The following MAPKAP1 variants were observed in gnomAD, a reference collection of about 807,000 sequenced individuals.
MAPKAP1 encodes MAPK associated protein 1.
In MAPKAP1, 20 loss-of-function variants were observed where a neutral mutation model predicts 65.7. That is an observed-to-expected ratio of 0.30 (90% CI 0.21 to 0.44). The LOEUF (loss-of-function observed/expected upper bound fraction) is 0.44. Among genes scored for constraint, MAPKAP1 ranks in the 20% least tolerant of loss-of-function variants. MAPKAP1 has a pLI of 1.00. For synonymous variants in MAPKAP1, 222 were observed against 244.3 expected (o/e 0.91, Z 0.85); for missense variants, 423 against 648.0 (o/e 0.65, Z 3.77).
At chr9:125,500,790 C>G (rs1828953725) in intron 8 of MAPKAP1, among the ~76,000 whole-genome samples, 1 of 151,978 alleles carries the variant, frequency 6.6e-6, no homozygotes, top group Non-Finnish European at 1.5e-5. Flanking sequence ...TAATAAACAC[C>G]ACTTTATTTG....
chr9:125,560,990 C>A (rs949075179), intron 5 of MAPKAP1, among the ~76,000 whole-genome samples: 1 of 152,188 alleles, frequency 6.6e-6, no homozygotes, highest in East Asian at 1.9e-4. Context: ...CGCAAACCTG[C>A]GAGCTTCAGA....
At chr9:125,566,507 T>C (rs1831056233) in intron 5 of MAPKAP1, among the ~76,000 whole-genome samples, 1 of 152,002 alleles carries the variant, frequency 6.6e-6, no homozygotes. Flanking sequence ...GAGGCTGCCG[T>C]GAGCTGCGAT....
intron 11 of MAPKAP1, among the ~76,000 whole-genome samples, chr9:125,443,314 T>C (rs897752223): frequency 6.6e-6 from 1 of 152,118 alleles, no homozygotes; most frequent in African/African-American, 2.4e-5. Context: ...ACTTTACAGG[T>C]GGGGACACTG....
Position 125,576,828 on chromosome 9 carries a change from G to A in MAPKAP1, c.671+8727C>T, listed in dbSNP as rs1025954289. On this transcript the variant is annotated intron_variant, in intron 5 of 11. Coordinates refer to ENST00000265960, the MANE Select transcript of MAPKAP1 (RefSeq NM_001006617.3). ...AGTCTCGTTCACTCAGTGCTCAATGGTGCCCAGGCTGGAGTGCAGTGGCGT... is the reference window on the plus strand; with the variant it reads ...AGTCTCGTTCACTCAGTGCTCAATGATGCCCAGGCTGGAGTGCAGTGGCGT... Among the ~76,000 whole-genome samples the A allele has an allele frequency of 2.6e-4, 39 of 152,082 alleles. 1 individual carries two copies. The highest frequency in any genetic ancestry group is 8.4e-4 in the African/African-American group (35 of 41,444).
chr9:125,693,861 A>G (rs138900629), intron 1 of MAPKAP1, among the ~76,000 whole-genome samples: 3,891 of 150,920 alleles, frequency 0.026, 204 homozygotes, highest in African/African-American at 0.091. Context: ...ACACACACAC[A>G]CACACACACA....
intron 7 of MAPKAP1, among the ~76,000 whole-genome samples, chr9:125,517,932 C>G (rs2133108691): frequency 6.6e-6 from 1 of 151,124 alleles, no homozygotes; most frequent in South Asian, 2.1e-4. Context: ...TAGCCAGCAT[C>G]AGGGCACTCT....
In MAPKAP1 at chr9:125,438,147, CCCCTCCTCCTGGCA is replaced by C; in HGVS notation, c.*726_*739del. ...CAGCGTGCCTGAGGACCAGCCACCG[CCCCTCCTCCTGGCA>C]CCCCACACTGTCCACGCAGCTCCTG... On this transcript the variant is annotated 3_prime_UTR_variant, in exon 12 of 12. Coordinates refer to ENST00000265960, the MANE Select transcript of MAPKAP1 (RefSeq NM_001006617.3). The C allele has an allele frequency of 2.6e-6, 1 of 389,010 alleles. No homozygotes were observed. Among genetic ancestry groups the C allele is most frequent in the Non-Finnish European group, 4.5e-6 (1 of 220,462 alleles). 24.1% of individuals were successfully genotyped at this position (389,010 alleles called of 1,614,324 possible). A position where few individuals can be genotyped will look rare whatever the true frequency, so the allele number is the denominator to read the frequency against.
intron 4 of MAPKAP1, among the ~76,000 whole-genome samples, chr9:125,646,534 G>A (rs890911647): frequency 6.6e-6 from 1 of 152,196 alleles, no homozygotes; most frequent in African/African-American, 2.4e-5. Flanking sequence ...ATAAAATGGA[G>A]CTATGGTAAT....
intron 7 of MAPKAP1, among the ~76,000 whole-genome samples, chr9:125,516,071 C>T (rs571100040): frequency 6.6e-6 from 1 of 152,284 alleles, no homozygotes; most frequent in Non-Finnish European, 1.5e-5. Flanking sequence ...GATCAATTTC[C>T]TCCAACTAAT....
intron 6 of MAPKAP1, among the ~76,000 whole-genome samples, chr9:125,554,577 C>T (rs779302118): frequency 6.6e-6 from 1 of 151,894 alleles, no homozygotes; most frequent in Non-Finnish European, 1.5e-5. Flanking sequence ...GGCAGGAGGA[C>T]TGCTTGAGCT....
At chr9:125,658,102 C>T (rs871391) in intron 3 of MAPKAP1, among the ~76,000 whole-genome samples, 40,388 of 151,912 alleles carry the variant, frequency 0.27, 5,760 homozygotes, top group Admixed American at 0.34. Context: ...AGCTTTGGCC[C>T]GGCTTTGCTA....
chr9:125,706,738 C>A (rs1425908682), intron 1 of MAPKAP1, among the ~76,000 whole-genome samples: 1 of 152,044 alleles, frequency 6.6e-6, no homozygotes, highest in Non-Finnish European at 1.5e-5. Context: ...CCCACCCCCA[C>A]ACTACCAGGT....
At chr9:125,501,890 T>A (rs1451964620) in intron 8 of MAPKAP1, among the ~76,000 whole-genome samples, 2 of 152,306 alleles carry the variant, frequency 1.3e-5, no homozygotes, top group East Asian at 3.9e-4. Context: ...ACTATCTGTG[T>A]TTCTCTTCCT....
chr9:125,513,368 T>C (rs1031957189), intron 7 of MAPKAP1, among the ~76,000 whole-genome samples: 19 of 152,186 alleles, frequency 1.2e-4, no homozygotes, highest in African/African-American at 4.6e-4. Context: ...AACACTTTCA[T>C]GGTTATGTCT....
At chr9:125,602,537 T>C (rs997763997) in intron 4 of MAPKAP1, among the ~76,000 whole-genome samples, 1 of 151,614 alleles carries the variant, frequency 6.6e-6, no homozygotes, top group African/African-American at 2.4e-5. Flanking sequence ...AATTAGGTAG[T>C]CAGCAAAGCA....
chr9:125,464,116 C>A (rs1229581477), intron 10 of MAPKAP1, among the ~76,000 whole-genome samples: 2 of 143,134 alleles, frequency 1.4e-5, no homozygotes, highest in African/African-American at 5.1e-5. Context: ...GTAGTCCCAG[C>A]TATTTGGTGG....
chr9:125,584,061 T>C (rs1242343722), intron 5 of MAPKAP1, among the ~76,000 whole-genome samples: 1 of 147,930 alleles, frequency 6.8e-6, no homozygotes. Context: ...AGACTCCGTC[T>C]CCAAAAAAAA....
At chr9:125,464,165 C>G (rs1273003204) in intron 10 of MAPKAP1, among the ~76,000 whole-genome samples, 2 of 138,164 alleles carry the variant, frequency 1.4e-5, no homozygotes, top group African/African-American at 5.5e-5. Context: ...GGAGTTTGAG[C>G]CCAGCCTGGG....
intron 8 of MAPKAP1, among the ~76,000 whole-genome samples, chr9:125,486,621 G>T (rs914148467): frequency 1.3e-5 from 2 of 152,126 alleles, no homozygotes; most frequent in Admixed American, 6.5e-5. Flanking sequence ...CATTTATTAG[G>T]AAATTTGTGT....
Sources: gnomAD v4.1 joint callset for allele counts (sites outside exome capture counted in the v4.1 genomes callset) on GRCh38, gnomAD v4.1.1 for gene constraint, MANE v1.5 for transcripts, NCBI Gene and HGNC (gene_info 2026-07-23, HGNC 2026-07-21) for gene names.